The following ASTN1 variants were observed in gnomAD, a reference collection of about 807,000 sequenced individuals.
The protein encoded by ASTN1 is astrotactin-1.
ASTN1 carries 41 observed loss-of-function variants against 140.7 expected under a neutral mutation model. The ratio of observed to expected loss-of-function variants is 0.29; its 90% CI spans 0.23 to 0.38. ASTN1 has a LOEUF of 0.38. ASTN1 is among the 10% of genes least tolerant of loss of function. The probability of loss-of-function intolerance (pLI) is 1.00; values close to 1 mark genes in which losing one functional copy is unlikely to be tolerated. For missense variants in ASTN1, 1,479 were observed against 1,678.8 expected (o/e 0.88, Z 2.08); for synonymous variants, 640 against 652.2 (o/e 0.98, Z 0.29).
chr1:176,934,220 C>T lies in ASTN1; in HGVS notation c.2603G>A (p.Cys868Tyr). The T allele has an allele frequency of 6.2e-7, 1 of 1,614,042 alleles. No individual in the cohort carries two copies. The highest frequency in any genetic ancestry group is 8.5e-7 in the Non-Finnish European group (1 of 1,179,970). Residue 868 changes from cysteine to tyrosine, a missense_variant, in exon 16 of 23, where the codon TGT becomes TAT. Coordinates refer to ENST00000361833, the MANE Select transcript of ASTN1 (RefSeq NM_004319.3). ...CTGCTTGTTTGGGTACCAGATAGAA[C>T]AGGACTCCTCAAAGCCGTAGATAGC... ...QEAIYGFEES[C>Y]SIWYPNKQVQ... is the part of the protein sequence containing the mutation.
chr1:177,064,810 C>T (rs1678270912), intron 1 of ASTN1, among the ~76,000 whole-genome samples: 1 of 152,176 alleles, frequency 6.6e-6, no homozygotes. Context: ...GCAGATCTGG[C>T]ACAGAAGTGC....
At chr1:177,023,267 T>G (rs1332058466) in intron 7 of ASTN1, 137 bp downstream of exon 7, 6 of 1,122,716 alleles carry the variant, frequency 5.3e-6, no homozygotes, top group Non-Finnish European at 3.7e-6. Context: ...CCCAACCACA[T>G]GCAGGCAGTC....
chr1:176,991,944 C>A (rs1484945058), intron 8 of ASTN1, among the ~76,000 whole-genome samples: 1 of 152,058 alleles, frequency 6.6e-6, no homozygotes. Flanking sequence ...CTCCCCTAGG[C>A]CAAAATAAGT....
At chr1:177,056,911 C>G (rs903265465) in intron 2 of ASTN1, among the ~76,000 whole-genome samples, 6 of 152,142 alleles carry the variant, frequency 3.9e-5, no homozygotes, top group African/African-American at 1.4e-4. Context: ...AATTGCTTGA[C>G]TTTTGGTTTA....
intron 8 of ASTN1, among the ~76,000 whole-genome samples, chr1:177,002,574 T>G (rs1674784028): frequency 6.6e-6 from 1 of 152,180 alleles, no homozygotes; most frequent in African/African-American, 2.4e-5. Context: ...TTCTAGATTT[T>G]TTATCACACG....
At chr1:177,074,781 G>A (rs1678808498) in intron 1 of ASTN1, among the ~76,000 whole-genome samples, 1 of 151,962 alleles carries the variant, frequency 6.6e-6, no homozygotes, top group Non-Finnish European at 1.5e-5. Context: ...CCTGATTTGT[G>A]GTATTCTCAG....
At chr1:177,114,475 G>T (rs575724544) in intron 1 of ASTN1, among the ~76,000 whole-genome samples, 110 of 151,918 alleles carry the variant, frequency 7.2e-4, no homozygotes, top group Admixed American at 1.4e-3. Context: ...GATAATTATA[G>T]ATTTATATGC....
rs1294055778 is a variant in ASTN1, at chr1:176,882,977, C to T, written c.3244G>A (p.Val1082Met). Residue 1082 changes from valine to methionine, a missense_variant, in exon 20 of 23, where the codon GTG becomes ATG. Around this residue, in one of 3 missense-constraint regions of ASTN1, gnomAD observed 746 missense variants for 800.9 expected, o/e 0.93. Transcript: ENST00000361833. ...KVETETVLSF[V>M]DDIISGAKSP... is the part of the protein sequence containing the mutation. ...TTTGCTCCAGAGATGATGTCGTCCACAAAGCTCAGCACTGTTTCTGCCCAG... is the reference window on the plus strand; with the variant it reads ...TTTGCTCCAGAGATGATGTCGTCCATAAAGCTCAGCACTGTTTCTGCCCAG... The T allele has an allele frequency of 2.5e-6, 4 of 1,614,090 alleles. No individual in the cohort carries two copies. In the African/African-American group the frequency reaches 4.0e-5, roughly 16 times the overall value.
intron 16 of ASTN1, among the ~76,000 whole-genome samples, chr1:176,904,406 G>A (rs1669898864): frequency 6.6e-6 from 1 of 152,162 alleles, no homozygotes; most frequent in Admixed American, 6.5e-5. Flanking sequence ...CACAGCTCCG[G>A]GATGTGGAGA....
intron 22 of ASTN1, among the ~76,000 whole-genome samples, chr1:176,867,556 C>G (rs904061216): frequency 1.3e-5 from 2 of 152,170 alleles, no homozygotes; most frequent in African/African-American, 4.8e-5. Context: ...ACATTTTTCT[C>G]TCTGGTCTGT....
At chr1:176,904,535 A>C (rs563477556) in intron 16 of ASTN1, among the ~76,000 whole-genome samples, 14 of 152,166 alleles carry the variant, frequency 9.2e-5, no homozygotes, top group African/African-American at 3.4e-4. Context: ...GGGATTTGCT[A>C]TTTCCAAATC....
At chr1:177,133,812 A>G (rs146032275) in intron 1 of ASTN1, among the ~76,000 whole-genome samples, 4 of 152,332 alleles carry the variant, frequency 2.6e-5, no homozygotes, top group African/African-American at 9.6e-5. Context: ...TTTTCTATAG[A>G]TTGTATGCTT....
At chr1:176,934,616 T>TG in intron 15 of ASTN1, among the ~76,000 whole-genome samples, 1 of 135,600 alleles carries the variant, frequency 7.4e-6, no homozygotes, top group Non-Finnish European at 1.5e-5. Flanking sequence ...AATCAATGTG[T>TG]TTTTTTTTTT....
intron 1 of ASTN1, among the ~76,000 whole-genome samples, chr1:177,063,920 A>T (rs1678222804): frequency 6.6e-6 from 1 of 152,110 alleles, no homozygotes. Context: ...TTTATCTCAT[A>T]CACATCTGAG....
intron 2 of ASTN1, among the ~76,000 whole-genome samples, chr1:177,045,254 G>GATCC (rs1270039626): frequency 6.6e-6 from 1 of 152,102 alleles, no homozygotes; most frequent in African/African-American, 2.4e-5. Context: ...GCTCTGACTG[G>GATCC]ACTTGCAGGC....
chr1:177,137,372 A>G (rs969679559), intron 1 of ASTN1, among the ~76,000 whole-genome samples: 1 of 152,240 alleles, frequency 6.6e-6, no homozygotes, highest in African/African-American at 2.4e-5. Flanking sequence ...AGCCATAGAC[A>G]TTATTAACTA....
intron 16 of ASTN1, among the ~76,000 whole-genome samples, chr1:176,917,581 C>T (rs893940830): frequency 6.6e-6 from 1 of 152,082 alleles, no homozygotes; most frequent in African/African-American, 2.4e-5. Flanking sequence ...AAATGCATTG[C>T]TTTGGGAGGG....
intron 8 of ASTN1, among the ~76,000 whole-genome samples, chr1:176,971,389 C>T (rs1673133699): frequency 1.3e-5 from 2 of 152,056 alleles, no homozygotes; most frequent in East Asian, 1.9e-4. Context: ...ATCTGGTAAA[C>T]CTGTGGCTTT....
chr1:176,885,920 C>T (rs561978257), intron 18 of ASTN1, among the ~76,000 whole-genome samples: 25 of 152,116 alleles, frequency 1.6e-4, no homozygotes, highest in Middle Eastern at 6.8e-3. Flanking sequence ...AAAACACATG[C>T]TCTTCTGTTA....
Sources: gnomAD v4.1 joint callset for allele counts (sites outside exome capture counted in the v4.1 genomes callset) on GRCh38, gnomAD v4.1.1 for gene constraint, gnomAD v4.1.1 regional missense constraint, MANE v1.5 for transcripts, NCBI Gene and HGNC (gene_info 2026-07-23, HGNC 2026-07-21) for gene names.